Variants in LRRTM4 observed in about 807,000 individuals in gnomAD.
LRRTM4 encodes the protein leucine rich repeat transmembrane neuronal 4, also known as leucine-rich repeat transmembrane neuronal protein 4.
In LRRTM4, 25 loss-of-function variants were observed where a neutral mutation model predicts 47.6. That is an observed-to-expected ratio of 0.53 (90% CI 0.38 to 0.73). The LOEUF (loss-of-function observed/expected upper bound fraction) is 0.73. Ranked by LOEUF, LRRTM4 falls within the 30% of genes least tolerant of loss-of-function variation. The pLI is 0.00. For synonymous variants in LRRTM4, 311 were observed against 269.5 expected (o/e 1.15, Z -1.51); for missense variants, 638 against 713.4 (o/e 0.89, Z 1.20).
intron 3 of LRRTM4, chr2:77,518,082 T>C (rs1573519252): frequency 7.9e-7 from 1 of 1,265,232 alleles, no homozygotes; most frequent in Non-Finnish European, 9.9e-7. Context: ...ACATAGTGCT[T>C]TATTCCAACT....
At chr2:77,444,835 C>T (rs1441994276) in intron 3 of LRRTM4, among the ~76,000 whole-genome samples, 4 of 151,258 alleles carry the variant, frequency 2.6e-5, no homozygotes, top group Non-Finnish European at 4.4e-5. Context: ...AACATCTTCA[C>T]GTTGTTTTTC....
At chr2:76,821,279 TCAA>T (rs1003656400) in intron 3 of LRRTM4, among the ~76,000 whole-genome samples, 28 of 151,668 alleles carry the variant, frequency 1.8e-4, no homozygotes, top group Non-Finnish European at 3.5e-4. Flanking sequence ...AAACCTAGCT[TCAA>T]CAACTTGAGA....
At chr2:76,822,647 G>C (rs1043218920) in intron 3 of LRRTM4, among the ~76,000 whole-genome samples, 14 of 151,524 alleles carry the variant, frequency 9.2e-5, no homozygotes, top group Non-Finnish European at 2.1e-4. Flanking sequence ...AACTGGCTTA[G>C]CAAATGTAGA....
intron 3 of LRRTM4, among the ~76,000 whole-genome samples, chr2:77,388,357 A>G (rs952522486): frequency 3.3e-5 from 5 of 152,058 alleles, no homozygotes; most frequent in African/African-American, 1.2e-4. Context: ...TTATTTCTCT[A>G]CGGCAGACAT....
intron 3 of LRRTM4, among the ~76,000 whole-genome samples, chr2:77,115,003 C>T (rs1271592161): frequency 2.6e-5 from 4 of 152,090 alleles, no homozygotes; most frequent in African/African-American, 7.2e-5. Context: ...TTTCCCAATC[C>T]TGGTAAGCCT....
At chr2:77,304,873 C>T (rs540363552) in intron 3 of LRRTM4, among the ~76,000 whole-genome samples, 7 of 152,076 alleles carry the variant, frequency 4.6e-5, no homozygotes, top group African/African-American at 1.2e-4. Context: ...CAAGTGAATG[C>T]CTTTCTGAGT....
chr2:77,194,974 A>G (rs2103886761), intron 3 of LRRTM4, among the ~76,000 whole-genome samples: 1 of 152,254 alleles, frequency 6.6e-6, no homozygotes, highest in African/African-American at 2.4e-5. Flanking sequence ...TAAGATAAAA[A>G]TATTGAAATA....
chr2:77,218,566 G>C (rs2103941215), intron 3 of LRRTM4, among the ~76,000 whole-genome samples: 1 of 151,264 alleles, frequency 6.6e-6, no homozygotes, highest in East Asian at 1.9e-4. Context: ...ATTGGAAATG[G>C]TTTTAATGTC....
At chr2:77,487,928 C>T (rs1407851305) in intron 3 of LRRTM4, among the ~76,000 whole-genome samples, 1 of 152,176 alleles carries the variant, frequency 6.6e-6, no homozygotes, top group African/African-American at 2.4e-5. Flanking sequence ...CTCAATAAAG[C>T]ACCTCTTCAC....
intron 3 of LRRTM4, among the ~76,000 whole-genome samples, chr2:77,450,202 G>T (rs1428706998): frequency 6.6e-6 from 1 of 151,880 alleles, no homozygotes; most frequent in African/African-American, 2.4e-5. Flanking sequence ...TTGCTTTAGA[G>T]AGATGTTATT....
intron 3 of LRRTM4, among the ~76,000 whole-genome samples, chr2:77,216,089 GC>G (rs200008470): frequency 9.4e-5 from 13 of 138,726 alleles, no homozygotes; most frequent in Admixed American, 6.8e-5. Flanking sequence ...TACATTAACT[GC>G]CCCCCCACCC....
rs1189335950 is a variant in LRRTM4 at position 76,837,126 on chromosome 2, C to T, written c.1552-88210G>A. On this transcript the variant is annotated intron_variant, in intron 3 of 3. Coordinates refer to ENST00000409884, the MANE Select transcript of LRRTM4 (RefSeq NM_001134745.3). ...TTTAGTCTTGGGAGACTGTATGTGT[C>T]GAGGAATTTATCCATTTCTGTTAGA... Among the ~76,000 whole-genome samples, 7 of 152,122 alleles carry T rather than the reference C, an allele frequency of 4.6e-5. No homozygotes were observed. In the East Asian group the frequency reaches 5.8e-4, roughly 13 times the overall value.
intron 3 of LRRTM4, among the ~76,000 whole-genome samples, chr2:76,997,743 T>C (rs764709400): frequency 3.9e-5 from 6 of 152,104 alleles, no homozygotes; most frequent in African/African-American, 1.2e-4. Flanking sequence ...CTGTTAGGAA[T>C]TGGGCTGCAC....
intron 3 of LRRTM4, among the ~76,000 whole-genome samples, chr2:77,039,621 A>T (rs1350576857): frequency 6.6e-6 from 1 of 151,310 alleles, no homozygotes; most frequent in Non-Finnish European, 1.5e-5. Flanking sequence ...TACAATGATG[A>T]AAAAAGTATA....
At chr2:77,001,119 T>G (rs749805922) in intron 3 of LRRTM4, among the ~76,000 whole-genome samples, 4 of 152,176 alleles carry the variant, frequency 2.6e-5, no homozygotes, top group Non-Finnish European at 5.9e-5. Flanking sequence ...TCTGAAGCTT[T>G]AGGCTCAACC....
At chr2:77,127,159 C>T (rs1255425983) in intron 3 of LRRTM4, among the ~76,000 whole-genome samples, 1 of 151,998 alleles carries the variant, frequency 6.6e-6, no homozygotes, top group Non-Finnish European at 1.5e-5. Context: ...GTTTAGATGT[C>T]ACTTACTCAA....
chr2:76,922,178 T>C (rs1174179183), intron 3 of LRRTM4, among the ~76,000 whole-genome samples: 1 of 152,096 alleles, frequency 6.6e-6, no homozygotes, highest in Non-Finnish European at 1.5e-5. Context: ...CACTTATACA[T>C]GTATATTAGT....
intron 3 of LRRTM4, among the ~76,000 whole-genome samples, chr2:77,051,938 G>A (rs1679446120): frequency 6.6e-6 from 1 of 151,566 alleles, no homozygotes; most frequent in South Asian, 2.1e-4. Flanking sequence ...TTGTTTCTTG[G>A]GTCTTAAATG....
intron 3 of LRRTM4, among the ~76,000 whole-genome samples, chr2:77,495,218 A>C (rs1206441914): frequency 6.6e-6 from 1 of 152,072 alleles, no homozygotes; most frequent in Non-Finnish European, 1.5e-5. Flanking sequence ...TCAACTGCCA[A>C]ATGGCTTTCC....
Sources: allele counts gnomAD v4.1 joint callset (sites outside exome capture counted in the v4.1 genomes callset), GRCh38; gene constraint gnomAD v4.1.1; transcripts MANE v1.5; gene names NCBI Gene and HGNC (gene_info 2026-07-23, HGNC 2026-07-21).